CNTNAP2: variants seen among roughly 807,000 people sequenced by gnomAD.
The protein encoded by CNTNAP2 is contactin associated protein 2.
CNTNAP2 carries 98 observed loss-of-function variants against 155.2 expected under a neutral mutation model. That is an observed-to-expected ratio of 0.63 (90% CI 0.54 to 0.75). The LOEUF is 0.75. CNTNAP2 is among the 30% of genes least tolerant of loss of function. The probability of loss-of-function intolerance (pLI) is 0.00; values close to 1 mark genes in which losing one functional copy is unlikely to be tolerated. For missense variants in CNTNAP2, 1,727 were observed against 1,688.1 expected, an observed-to-expected ratio of 1.02 and a Z score of -0.40; for synonymous variants, 651 against 631.2, an observed-to-expected ratio of 1.03 and a Z score of -0.47.
intron 1 of CNTNAP2, among the ~76,000 whole-genome samples, chr7:146,443,383 G>T (rs1796355785): frequency 6.6e-6 from 1 of 151,970 alleles, no homozygotes. Context: ...ATAAAAGAGA[G>T]TTTCAGAGTG....
intron 3 of CNTNAP2, among the ~76,000 whole-genome samples, chr7:146,841,265 A>G (rs962909291): frequency 4.7e-5 from 7 of 148,258 alleles, no homozygotes; most frequent in African/African-American, 1.8e-4. Context: ...TAAGAAGGGG[A>G]TAGAGGAAGT....
At chr7:146,351,635 A>T (rs144696358) in intron 1 of CNTNAP2, among the ~76,000 whole-genome samples, 8 of 152,326 alleles carry the variant, frequency 5.3e-5, no homozygotes, top group African/African-American at 1.9e-4. Flanking sequence ...ATGTTCAGAC[A>T]GTTGAATTAA....
intron 14 of CNTNAP2, among the ~76,000 whole-genome samples, chr7:147,963,973 T>G (rs755535431): frequency 9.2e-5 from 14 of 152,136 alleles, no homozygotes; most frequent in Non-Finnish European, 2.1e-4. Flanking sequence ...AACTGTGTCC[T>G]CTGAAAAACT....
At chr7:146,123,369 T>A (rs538730942) in intron 1 of CNTNAP2, among the ~76,000 whole-genome samples, 1 of 152,312 alleles carries the variant, frequency 6.6e-6, no homozygotes, top group Admixed American at 6.5e-5. Flanking sequence ...AGTTTTTCCT[T>A]ACCTTTTCTA....
intron 16 of CNTNAP2, among the ~76,000 whole-genome samples, chr7:148,119,774 A>T (rs1490466163): frequency 6.6e-6 from 1 of 152,148 alleles, no homozygotes; most frequent in Non-Finnish European, 1.5e-5. Flanking sequence ...ATGAGAATAG[A>T]ATTTAAATAC....
chr7:148,305,222 CAAAAAAAAAAAAAAAAA>C lies in CNTNAP2; in HGVS notation c.3475+38110_3475+38126del, dbSNP rs34005083. Among the ~76,000 whole-genome samples the C allele has an allele frequency of 4.6e-4, 24 of 51,944 alleles. No homozygotes were observed. In the South Asian group the frequency reaches 0.017, roughly 38 times the overall value. 34.1% of individuals were successfully genotyped at this position (51,944 alleles called of 152,430 possible). A position where few individuals can be genotyped will look rare whatever the true frequency, so the allele number is the denominator to read the frequency against. ...TGGGTGAAAGACCAAGGCCCTGTCT[CAAAAAAAAAAAAAAAAA>C]AAAAAAAAAAAAAGTTTCCTTTCCT... On this transcript the variant is annotated intron_variant, in intron 21 of 23. Coordinates refer to ENST00000361727, the MANE Select transcript of CNTNAP2 (RefSeq NM_014141.6).
chr7:147,323,247 A>T (rs2116824639), intron 9 of CNTNAP2, among the ~76,000 whole-genome samples: 1 of 98,322 alleles, frequency 1.0e-5, no homozygotes, highest in South Asian at 4.2e-4. Flanking sequence ...ACTGCTTTGA[A>T]TGCGTCCCAG....
intron 15 of CNTNAP2, among the ~76,000 whole-genome samples, chr7:147,984,730 C>G (rs1000954088): frequency 4.0e-5 from 6 of 151,344 alleles, no homozygotes; most frequent in Admixed American, 2.6e-4. Flanking sequence ...GATTTCTCAC[C>G]CCCCAAAGGA....
intron 3 of CNTNAP2, among the ~76,000 whole-genome samples, chr7:146,975,572 C>T (rs1045912418): frequency 3.2e-4 from 49 of 152,212 alleles, no homozygotes; most frequent in Admixed American, 2.6e-3. Flanking sequence ...ATAGTCAGTT[C>T]GGGATTGTAA....
intron 13 of CNTNAP2, among the ~76,000 whole-genome samples, chr7:147,815,201 C>T (rs529371386): frequency 6.6e-6 from 1 of 152,300 alleles, no homozygotes; most frequent in South Asian, 2.1e-4. Context: ...TTAGCACAAG[C>T]TTAGTGACTT....
chr7:147,883,474 C>T (rs1308776961), intron 13 of CNTNAP2, among the ~76,000 whole-genome samples: 5 of 152,148 alleles, frequency 3.3e-5, no homozygotes, highest in Admixed American at 6.5e-5. Context: ...TGGATGATGG[C>T]TGTTTGAAAG....
intron 21 of CNTNAP2, among the ~76,000 whole-genome samples, chr7:148,318,629 C>CT (rs1399943839): frequency 1.3e-5 from 2 of 152,156 alleles, no homozygotes; most frequent in East Asian, 3.9e-4. Flanking sequence ...ATTAGGCATG[C>CT]TTTTAACAAA....
chr7:147,774,182 C>A (rs912102431), intron 13 of CNTNAP2, among the ~76,000 whole-genome samples: 2 of 152,128 alleles, frequency 1.3e-5, no homozygotes, highest in African/African-American at 4.8e-5. Flanking sequence ...ATAGATTTTA[C>A]TCTTATGCAT....
chr7:147,064,094 A>C (rs1035655260), intron 4 of CNTNAP2, among the ~76,000 whole-genome samples: 1 of 144,478 alleles, frequency 6.9e-6, no homozygotes, highest in Non-Finnish European at 1.6e-5. Flanking sequence ...AGTGGTTTTT[A>C]AGTATAGCAC....
intron 13 of CNTNAP2, among the ~76,000 whole-genome samples, chr7:147,788,885 T>C (rs1449690647): frequency 6.8e-6 from 1 of 146,472 alleles, no homozygotes; most frequent in Non-Finnish European, 1.5e-5. Flanking sequence ...TAGGATATAC[T>C]TTTTTTTTCT....
rs1363784877 is a variant in CNTNAP2, at chr7:146,219,651, T to G, written c.97+102678T>G. On this transcript the variant is annotated intron_variant, in intron 1 of 23. Coordinates refer to ENST00000361727, the MANE Select transcript of CNTNAP2 (RefSeq NM_014141.6). Reference sequence around the variant, plus strand: ...TTGGTTGTGTTAATTTTCAAAAGTCTCAGGTAAATGAGATGGGTCTGGAGC... The same window carrying G: ...TTGGTTGTGTTAATTTTCAAAAGTCGCAGGTAAATGAGATGGGTCTGGAGC... Among the ~76,000 whole-genome samples the G allele has an allele frequency of 2.0e-5, 3 of 152,196 alleles. No individual in the cohort carries two copies. The South Asian group carries it at 6.2e-4, about 31-fold the overall frequency.
chr7:147,799,891 C>G (rs1396906810), intron 13 of CNTNAP2, among the ~76,000 whole-genome samples: 1 of 152,188 alleles, frequency 6.6e-6, no homozygotes, highest in East Asian at 1.9e-4. Flanking sequence ...CTATTTTCCT[C>G]TCTCCTTCCT....
At chr7:147,061,332 CAT>C (rs1259989194) in intron 4 of CNTNAP2, among the ~76,000 whole-genome samples, 6 of 152,112 alleles carry the variant, frequency 3.9e-5, no homozygotes, top group African/African-American at 1.4e-4. Context: ...AAATACAAAA[CAT>C]ATATAATTTG....
At position 146,502,928 on chromosome 7, in the gene CNTNAP2, T is replaced by C. The variant is rs556273899; in HGVS notation, c.98-271343T>C. On this transcript the variant is annotated intron_variant, in intron 1 of 23. Transcript: ENST00000361727. Reference sequence around the variant, plus strand: ...CCTCAAACTGCCATCATTGTGATTTTGATTTGCAATTCTTTGATGATAAGT... The same window carrying C: ...CCTCAAACTGCCATCATTGTGATTTCGATTTGCAATTCTTTGATGATAAGT... Among the ~76,000 whole-genome samples, 3 of 152,352 alleles carry C rather than the reference T, an allele frequency of 2.0e-5. No individual in the cohort carries two copies. The East Asian group carries it at 5.8e-4, about 29-fold the overall frequency.
Sources: allele counts gnomAD v4.1 joint callset (sites outside exome capture counted in the v4.1 genomes callset), GRCh38; gene constraint gnomAD v4.1.1; transcripts MANE v1.5; gene names NCBI Gene and HGNC (gene_info 2026-07-23, HGNC 2026-07-21).